NCALD: variants seen among roughly 807,000 people sequenced by gnomAD.
The protein encoded by NCALD is neurocalcin delta.
A neutral mutation model predicts 18.6 loss-of-function variants in NCALD; 10 were observed. The ratio of observed to expected loss-of-function variants is 0.54; its 90% CI spans 0.33 to 0.91. The LOEUF is 0.91. Ranked by LOEUF, NCALD falls within the 40% of genes least tolerant of loss-of-function variation. NCALD has a pLI of 0.03. For synonymous variants in NCALD, 88 were observed against 87.4 expected (o/e 1.01, Z -0.04); for missense variants, 184 against 247.6 (o/e 0.74, Z 1.72).
In NCALD at chr8:101,719,547, T is replaced by C; in HGVS notation, c.83A>G (p.Gln28Arg). 6.2e-7 allele frequency: 1 copy of C among 1,614,220 alleles called. No individual in the cohort carries two copies. Among genetic ancestry groups the C allele is most frequent in the Non-Finnish European group, 8.5e-7 (1 of 1,180,030 alleles). Residue 28 changes from glutamine (Q) to arginine (R), a missense_variant, in exon 2 of 4, where the codon CAG becomes CGG. Physicochemically the swap from Gln to Arg is conservative, Grantham distance 43 (BLOSUM62 1). Coordinates refer to ENST00000220931, the MANE Select transcript of NCALD (RefSeq NM_032041.3). ...ESTDFTEHEI[Q>R]EWYKGFLRDC... ...TCTCAAGAAGCCTTTATACCATTCC[T>C]GGATCTCATGCTCTGTAAAGTCTGT...
chr8:101,780,930 A>T (rs920314595), intron 1 of NCALD, among the ~76,000 whole-genome samples: 1 of 152,008 alleles, frequency 6.6e-6, no homozygotes, highest in Non-Finnish European at 1.5e-5. Flanking sequence ...CAGTTAATAA[A>T]CTCTTGGTTC....
intron 1 of NCALD, among the ~76,000 whole-genome samples, chr8:101,756,831 A>G (rs1810903201): frequency 6.6e-6 from 1 of 152,158 alleles, no homozygotes; most frequent in East Asian, 1.9e-4. Flanking sequence ...AATTTATCCT[A>G]TTAGAATCTC....
chr8:101,789,532 A>C (rs1200706981), intron 1 of NCALD, among the ~76,000 whole-genome samples: 3 of 152,234 alleles, frequency 2.0e-5, no homozygotes, highest in Non-Finnish European at 4.4e-5. Flanking sequence ...CACCTCCAAG[A>C]GTAAAATAAA....
At chr8:102,122,134 C>T (rs1825961637) in intron 1 of NCALD, among the ~76,000 whole-genome samples, 1 of 152,208 alleles carries the variant, frequency 6.6e-6, no homozygotes, top group Non-Finnish European at 1.5e-5. Context: ...GGGGGAGTGC[C>T]ATGCAGCCTG....
At chr8:101,944,123 C>T (rs886220309) in intron 2 of NCALD, among the ~76,000 whole-genome samples, 19 of 152,090 alleles carry the variant, frequency 1.2e-4, no homozygotes, top group Non-Finnish European at 2.4e-4. Context: ...GTGAGGATGA[C>T]CATGTACCAG....
intron 1 of NCALD, among the ~76,000 whole-genome samples, chr8:101,729,452 C>T (rs909008614): frequency 6.6e-6 from 1 of 152,122 alleles, no homozygotes; most frequent in Non-Finnish European, 1.5e-5. Flanking sequence ...TGGAATTGCC[C>T]GAAATATGTT....
intron 4 of NCALD, among the ~76,000 whole-genome samples, chr8:101,886,753 A>G (rs116380782): frequency 0.011 from 1,662 of 152,302 alleles, 27 homozygotes; most frequent in African/African-American, 0.038. Flanking sequence ...TCGGTCCTCT[A>G]TACTAAATGA....
At chr8:102,066,012 T>A (rs1823996914) in intron 1 of NCALD, among the ~76,000 whole-genome samples, 1 of 152,170 alleles carries the variant, frequency 6.6e-6, no homozygotes, top group Non-Finnish European at 1.5e-5. Context: ...AGAAAACCCT[T>A]AGGATTTTTT....
chr8:102,014,462 A>G (rs755383291), intron 2 of NCALD, among the ~76,000 whole-genome samples: 7 of 152,164 alleles, frequency 4.6e-5, no homozygotes, highest in African/African-American at 7.2e-5. Flanking sequence ...TGGGGGGTAT[A>G]CAAATGTTCC....
chr8:102,079,122 G>C (rs775566571), intron 1 of NCALD, among the ~76,000 whole-genome samples: 5 of 152,134 alleles, frequency 3.3e-5, no homozygotes, highest in African/African-American at 9.7e-5. Flanking sequence ...ACCCATGAAG[G>C]CTGGCTGCAT....
At chr8:101,794,991 T>C (rs1303775523), upstream of NCALD, among the ~76,000 whole-genome samples, 2 of 152,174 alleles carry the variant, frequency 1.3e-5, no homozygotes, top group Non-Finnish European at 2.9e-5. Flanking sequence ...GCCTACAAAG[T>C]TCTATGGCAA....
At chr8:101,946,668 AAATC>A (rs1242784936) in intron 2 of NCALD, among the ~76,000 whole-genome samples, 1 of 152,186 alleles carries the variant, frequency 6.6e-6, no homozygotes, top group Non-Finnish European at 1.5e-5. Flanking sequence ...AGGAATGATG[AAATC>A]GTTCACACTT....
intron 1 of NCALD, among the ~76,000 whole-genome samples, chr8:102,101,320 C>CT (rs1310627838): frequency 6.6e-6 from 1 of 152,060 alleles, no homozygotes; most frequent in African/African-American, 2.4e-5. Context: ...AAAATATCCT[C>CT]TTTTTTTTAA....
At chr8:101,691,271 C>T in intron 3 of NCALD, 1 of 985,188 alleles carries the variant, frequency 1.0e-6, no homozygotes. Context: ...CCAACCCTAA[C>T]CTTTGAAAAT....
intron 4 of NCALD, among the ~76,000 whole-genome samples, chr8:101,852,969 A>G (rs1717215292): frequency 6.6e-6 from 1 of 152,172 alleles, no homozygotes; most frequent in Non-Finnish European, 1.5e-5. Flanking sequence ...CTGATCCAGA[A>G]TATCAATTTG....
chr8:101,688,490 T>C lies in NCALD; in HGVS notation c.*819A>G, dbSNP rs1221067146. 1.8e-5 allele frequency: 6 copies of C among 328,986 alleles called. No homozygotes were observed. The highest frequency in any genetic ancestry group is 3.6e-5 in the Non-Finnish European group (6 of 165,938). 20.4% of individuals were successfully genotyped at this position (328,986 alleles called of 1,614,324 possible). On this transcript the variant is annotated 3_prime_UTR_variant, in exon 4 of 4. Coordinates refer to ENST00000220931, the MANE Select transcript of NCALD (RefSeq NM_032041.3). ...TAAAAACAGTCTTCTGGAATAAGATTGTATTAGTGCTCACTAAACATGCAT... is the reference window on the plus strand; with the variant it reads ...TAAAAACAGTCTTCTGGAATAAGATCGTATTAGTGCTCACTAAACATGCAT...
At position 101,719,600 on chromosome 8, in the gene NCALD, C is replaced by T. The variant is rs538936464; in HGVS notation, c.30G>A (p.Pro10=). ...TTTCCAGCAAGTCCTGCATGACCTC[C>T]GGGCGCAGCTTGCTGTTCTGTTTCC... MGKQNSKLR[P]EVMQDLLEST... Residue 10 remains proline (P), a synonymous_variant, in exon 2 of 4, where the codon CCG becomes CCA. Coordinates refer to ENST00000220931, the MANE Select transcript of NCALD (RefSeq NM_032041.3). 8 of 1,598,184 alleles carry T rather than the reference C, an allele frequency of 5.0e-6. No individual in the cohort carries two copies. Among genetic ancestry groups the T allele is most frequent in the African/African-American group, 2.7e-5 (2 of 74,184 alleles).
chr8:101,779,417 C>T lies in NCALD; in HGVS notation c.-20+11445G>A, dbSNP rs988798054. Among the ~76,000 whole-genome samples the T allele has an allele frequency of 5.3e-5, 8 of 152,208 alleles. No homozygotes were observed. In the South Asian group the frequency reaches 8.3e-4, roughly 16 times the overall value. ...ACATATGTACTGAAGATTTTAGTTT[C>T]TCCAGGTCAGAGAAGACAAAGATAA... On this transcript the variant is annotated intron_variant, in intron 1 of 3. Coordinates refer to ENST00000220931, the MANE Select transcript of NCALD (RefSeq NM_032041.3).
At chr8:101,745,321 A>C (rs1810383720) in intron 1 of NCALD, among the ~76,000 whole-genome samples, 1 of 152,188 alleles carries the variant, frequency 6.6e-6, no homozygotes, top group Non-Finnish European at 1.5e-5. Context: ...GGTGAGCAGC[A>C]GTTTTCATTA....
Sources: gnomAD v4.1 joint callset for allele counts (sites outside exome capture counted in the v4.1 genomes callset) on GRCh38, gnomAD v4.1.1 for gene constraint, MANE v1.5 for transcripts, NCBI Gene and HGNC (gene_info 2026-07-23, HGNC 2026-07-21) for gene names.